The following WDR37 variants were observed in gnomAD, a reference collection of about 807,000 sequenced individuals.
WDR37 encodes the protein WD repeat domain 37, also known as WD repeat-containing protein 37.
In WDR37, 19 loss-of-function variants were observed where a neutral mutation model predicts 62.9. The observed-to-expected ratio is 0.30, with a 90% CI of 0.21 to 0.44. WDR37 has a LOEUF of 0.44. Among genes scored for constraint, WDR37 ranks in the 20% least tolerant of loss-of-function variants. WDR37 has a pLI of 1.00. For synonymous variants in WDR37, 250 were observed against 260.9 expected (o/e 0.96, Z 0.40); for missense variants, 474 against 657.6 (o/e 0.72, Z 3.05).
intron 1 of WDR37, among the ~76,000 whole-genome samples, chr10:1,059,387 G>T (rs1276668651): frequency 1.3e-5 from 2 of 151,936 alleles, no homozygotes; most frequent in Admixed American, 6.6e-5. Flanking sequence ...AAAAAGAAAA[G>T]AATTTGTCGT....
At position 1,121,383 on chromosome 10, in the gene WDR37, C is replaced by T. The variant is rs549478052; in HGVS notation, c.1104-2835C>T. ...CATTCTTCCAGGCTCCCCCAGCAGCCGAAGTCCTCTAAGCCTCATTGTAAC... is the reference window on the plus strand; with the variant it reads ...CATTCTTCCAGGCTCCCCCAGCAGCTGAAGTCCTCTAAGCCTCATTGTAAC... On this transcript the variant is annotated intron_variant, in intron 11 of 13. Transcript: ENST00000263150. This position sits in a 1 kb window ranked among gnomAD's most constrained non-coding sequence, Gnocchi z 4.5. Among the ~76,000 whole-genome samples the T allele has an allele frequency of 1.4e-4, 21 of 152,248 alleles. No individual in the cohort carries two copies. Among genetic ancestry groups the T allele is most frequent in the African/African-American group, 4.8e-4 (20 of 41,538 alleles).
intron 13 of WDR37, among the ~76,000 whole-genome samples, chr10:1,125,767 A>G (rs1831686482): frequency 6.6e-6 from 1 of 152,214 alleles, no homozygotes; most frequent in Non-Finnish European, 1.5e-5. Context: ...TCCAGCCAGA[A>G]GAACACGTTT....
In WDR37 at chr10:1,131,890, C is replaced by T. The variant is rs1053832139; in HGVS notation, c.*2546C>T. 1.3e-5 allele frequency: 2 copies of T among 152,586 alleles called. No homozygotes were observed. Among genetic ancestry groups the T allele is most frequent in the South Asian group, 4.1e-4 (2 of 4,828 alleles). 9.5% of individuals were successfully genotyped at this position (152,586 alleles called of 1,614,324 possible). ...TATATGATACAGAATTTCATAAGAG[C>T]CATGCTGTTGGGCAAAGCAACTCTT... On this transcript the variant is annotated 3_prime_UTR_variant, in exon 14 of 14. Coordinates refer to ENST00000263150, the MANE Select transcript of WDR37 (RefSeq NM_014023.4).
chr10:1,063,874 G>C (rs1437362342), intron 1 of WDR37, among the ~76,000 whole-genome samples: 2 of 152,134 alleles, frequency 1.3e-5, no homozygotes, highest in Non-Finnish European at 2.9e-5. Flanking sequence ...CCTGGCAGAG[G>C]CCTGCTCTAA....
rs201727395 is a variant in WDR37 at position 1,066,904 on chromosome 10, G to GC, written c.-40-5212_-40-5211insC. Among the ~76,000 whole-genome samples the GC allele has an allele frequency of 9.7e-3, 1,470 of 152,272 alleles. 14 individuals carry two copies. The highest frequency in any genetic ancestry group is 0.024 in the African/African-American group (1,000 of 41,548). ...AGGCAGAGAGGGAGAGCTTGTGCAG[G>GC]AAAACTCCCCCTTATAGAACCATCA... is the stretch of plus-strand genomic sequence containing the variant. On this transcript the variant is annotated intron_variant, in intron 1 of 13. Coordinates refer to ENST00000263150, the MANE Select transcript of WDR37 (RefSeq NM_014023.4).
At chr10:1,098,764 T>G (rs572480842) in intron 9 of WDR37, among the ~76,000 whole-genome samples, 19 of 152,366 alleles carry the variant, frequency 1.2e-4, no homozygotes, top group South Asian at 8.3e-4. Context: ...AACTGGAAGA[T>G]GACTAATTTC....
At chr10:1,084,592 C>T in intron 6 of WDR37, 54 bp downstream of exon 6, 2 of 1,591,486 alleles carry the variant, frequency 1.3e-6, no homozygotes, top group Admixed American at 1.7e-5. Context: ...TGCTTAATCC[C>T]TGAGTGATGG....
intron 13 of WDR37, 184 bp downstream of exon 13, chr10:1,125,208 C>T (rs1334117380): frequency 3.3e-5 from 22 of 675,168 alleles, no homozygotes; most frequent in Non-Finnish European, 3.8e-5. Flanking sequence ...AGTTATTCCA[C>T]ACCTACTTCA....
At chr10:1,127,425 G>C (rs1272035933) in intron 13 of WDR37, among the ~76,000 whole-genome samples, 1 of 152,194 alleles carries the variant, frequency 6.6e-6, no homozygotes, top group Non-Finnish European at 1.5e-5. Context: ...ATAAATAAAT[G>C]TGGTTTTCAG....
rs181186743 is a variant in WDR37 at position 1,089,176 on chromosome 10, G to A, written c.604+2819G>A. On this transcript the variant is annotated intron_variant, in intron 7 of 13. Coordinates refer to ENST00000263150, the MANE Select transcript of WDR37 (RefSeq NM_014023.4). ...AGAGGCTGCTTTCTGCTTGGTGTCC[G>A]CCCTCATGCCCAGTTTAGGTGCTGT... Among the ~76,000 whole-genome samples, 34 of 152,096 alleles carry A rather than the reference G, an allele frequency of 2.2e-4. 1 individual carries two copies. The East Asian group carries it at 5.1e-3, about 23-fold the overall frequency.
At chr10:1,108,625 T>C (rs1395806945) in intron 11 of WDR37, among the ~76,000 whole-genome samples, 6 of 152,182 alleles carry the variant, frequency 3.9e-5, no homozygotes, top group African/African-American at 7.2e-5. Context: ...TACTTCTGTC[T>C]ACACTGGTTA....
intron 6 of WDR37, among the ~76,000 whole-genome samples, chr10:1,085,079 C>T (rs1279382832): frequency 6.6e-6 from 1 of 152,212 alleles, no homozygotes; most frequent in African/African-American, 2.4e-5. Flanking sequence ...ATTCTCCTGC[C>T]TCAGCCTTCC....
intron 13 of WDR37, among the ~76,000 whole-genome samples, chr10:1,128,402 GCT>G (rs1241373295): frequency 6.6e-6 from 1 of 152,204 alleles, no homozygotes; most frequent in Non-Finnish European, 1.5e-5. Flanking sequence ...ATATGCTATT[GCT>G]CTGTCACATA....
Position 1,096,251 on chromosome 10 carries a change from G to A in WDR37, c.726+5G>A. On this transcript the variant is annotated splice_donor_5th_base_variant and intron_variant, in intron 9 of 13. Coordinates refer to ENST00000263150, the MANE Select transcript of WDR37 (RefSeq NM_014023.4). ...CAGCCTGTTGCTGACACTAGTGTAA[G>A]CACCTTTCCTTACCTGTGAATGTGT... 1 of 1,614,084 alleles carries A rather than the reference G, an allele frequency of 6.2e-7. No individual in the cohort carries two copies. Among genetic ancestry groups the A allele is most frequent in the Non-Finnish European group, 8.5e-7 (1 of 1,180,002 alleles).
chr10:1,085,678 T>A (rs183789447), intron 6 of WDR37, among the ~76,000 whole-genome samples: 125 of 152,350 alleles, frequency 8.2e-4, no homozygotes, highest in African/African-American at 3.0e-3. Flanking sequence ...CGAAGAAAGT[T>A]CTTGCTTCTC....
At chr10:1,110,545 A>G (rs1037515785) in intron 11 of WDR37, among the ~76,000 whole-genome samples, 4 of 152,182 alleles carry the variant, frequency 2.6e-5, no homozygotes, top group African/African-American at 9.7e-5. Context: ...AGGGCCTCGC[A>G]GTGCGGTTTA....
chr10:1,070,524 G>A (rs1322886245), intron 1 of WDR37, among the ~76,000 whole-genome samples: 1 of 152,000 alleles, frequency 6.6e-6, no homozygotes, highest in Non-Finnish European at 1.5e-5. Flanking sequence ...GAATTCTAAG[G>A]TTAAATATGT....
chr10:1,072,211 A>G lies in WDR37; in HGVS notation c.56A>G (p.Lys19Arg), dbSNP rs770874601. 3 of 1,614,220 alleles carry G rather than the reference A, an allele frequency of 1.9e-6. No homozygotes were observed. Among genetic ancestry groups the G allele is most frequent in the Non-Finnish European group, 2.5e-6 (3 of 1,180,040 alleles). ...GCTCGCCAAACAAAACAGAAGCGCA[A>G]ATCCCATAGCCTTTCTATACGAAGA... ...STARQTKQKR[K>R]SHSLSIRRTN... is the part of the protein sequence containing the mutation. The change falls in exon 2 of 14, where the codon AAA (lysine) becomes AGA (arginine). Residue 19 changes from lysine to arginine, a missense_variant. Coordinates refer to ENST00000263150, the MANE Select transcript of WDR37 (RefSeq NM_014023.4).
At chr10:1,089,851 T>C (rs74117817) in intron 7 of WDR37, among the ~76,000 whole-genome samples, 2,465 of 152,358 alleles carry the variant, frequency 0.016, 78 homozygotes, top group African/African-American at 0.056. Flanking sequence ...CAGGATGCCT[T>C]CTGCATTTAG....
Sources: gnomAD v4.1 joint callset for allele counts (sites outside exome capture counted in the v4.1 genomes callset) on GRCh38, gnomAD v4.1.1 for gene constraint, Gnocchi (gnomAD v3.1) non-coding constraint, MANE v1.5 for transcripts, NCBI Gene and HGNC (gene_info 2026-07-23, HGNC 2026-07-21) for gene names.